The following CDH18 variants were observed in gnomAD, a reference collection of about 807,000 sequenced individuals.
CDH18 encodes the protein cadherin-18.
CDH18 carries 31 observed loss-of-function variants against 67.9 expected under a neutral mutation model. That is an observed-to-expected ratio of 0.46 (90% CI 0.34 to 0.62). The LOEUF (loss-of-function observed/expected upper bound fraction) is 0.62, where lower values mean the gene tolerates loss of function less well. Among genes scored for constraint, CDH18 ranks in the 20% least tolerant of loss-of-function variants. The pLI, the probability that CDH18 is intolerant of heterozygous loss-of-function variation, is 0.01. For synonymous variants in CDH18, 362 were observed against 347.2 expected, an observed-to-expected ratio of 1.04 and a Z score of -0.48; for missense variants, 890 against 975.5, an observed-to-expected ratio of 0.91 and a Z score of 1.17.
rs1737872923 is a variant in CDH18 at position 19,473,362 on chromosome 5, T to A, written c.2237A>T (p.Glu746Val). 2 of 1,613,822 alleles carry A rather than the reference T, an allele frequency of 1.2e-6. No homozygotes were observed. The highest frequency in any genetic ancestry group is 1.7e-6 in the Non-Finnish European group (2 of 1,179,930). The change falls in exon 13 of 13, where the codon GAA (glutamate) becomes GTA (valine). Residue 746 changes from glutamate (E) to valine (V), a missense_variant. Physicochemically the swap from Glu to Val is moderately radical, Grantham distance 121 (BLOSUM62 -2). Transcript: ENST00000382275. ...ATCCAGCGAGCTGATAGACCCAGCTTCTGATCTCTGACCCTCATAGGCATA... is the reference window on the plus strand; with the variant it reads ...ATCCAGCGAGCTGATAGACCCAGCTACTGATCTCTGACCCTCATAGGCATA... ...QTYAYEGQRS[E>V]AGSISSLDSA...
intron 2 of CDH18, among the ~76,000 whole-genome samples, chr5:20,174,634 T>C (rs568849275): frequency 3.9e-5 from 6 of 152,280 alleles, no homozygotes; most frequent in South Asian, 4.1e-4. Flanking sequence ...AGTACAACTA[T>C]ATAGATTGAT....
intron 2 of CDH18, among the ~76,000 whole-genome samples, chr5:19,931,653 G>T (rs943709461): frequency 1.3e-5 from 2 of 151,824 alleles, no homozygotes; most frequent in African/African-American, 4.8e-5. Context: ...TTGGGCAAAT[G>T]CATGAGAAGT....
At chr5:19,863,924 T>A (rs1785173304) in intron 2 of CDH18, among the ~76,000 whole-genome samples, 1 of 152,032 alleles carries the variant, frequency 6.6e-6, no homozygotes, top group African/African-American at 2.4e-5. Flanking sequence ...TTTTACACTG[T>A]TGGTGGGACT....
intron 1 of CDH18, among the ~76,000 whole-genome samples, chr5:20,344,205 T>A (rs774269977): frequency 6.6e-6 from 1 of 152,136 alleles, no homozygotes; most frequent in Non-Finnish European, 1.5e-5. Context: ...AACTTACCAA[T>A]TGGCCCAAAG....
At chr5:19,704,498 C>T (rs539687901) in intron 5 of CDH18, among the ~76,000 whole-genome samples, 10 of 152,018 alleles carry the variant, frequency 6.6e-5, no homozygotes, top group East Asian at 1.9e-4. Context: ...ACATATGATA[C>T]GTGAAGAGGG....
chr5:19,925,634 C>T (rs1477823836), intron 2 of CDH18, among the ~76,000 whole-genome samples: 2 of 151,922 alleles, frequency 1.3e-5, no homozygotes, highest in Non-Finnish European at 2.9e-5. Flanking sequence ...ATCACAGGTG[C>T]CTGCCACCAC....
chr5:19,729,512 T>C (rs1203649983), intron 4 of CDH18, among the ~76,000 whole-genome samples: 1 of 152,222 alleles, frequency 6.6e-6, no homozygotes, highest in Non-Finnish European at 1.5e-5. Flanking sequence ...TCTGCCTTTT[T>C]GTTTTGTGTG....
intron 1 of CDH18, among the ~76,000 whole-genome samples, chr5:20,328,646 C>T (rs1012997469): frequency 6.6e-6 from 1 of 152,124 alleles, no homozygotes; most frequent in Non-Finnish European, 1.5e-5. Flanking sequence ...GCCTACTCCT[C>T]ATCTTTGGCT....
At chr5:20,520,213 G>A (rs17234617) in intron 1 of CDH18, among the ~76,000 whole-genome samples, 60,348 of 151,506 alleles carry the variant, frequency 0.4, 13,439 homozygotes, top group East Asian at 0.56. Flanking sequence ...CCAAGTAGAG[G>A]TAAGGAAAGC....
intron 1 of CDH18, among the ~76,000 whole-genome samples, chr5:20,557,436 T>A (rs1426110236): frequency 6.6e-6 from 1 of 152,124 alleles, no homozygotes; most frequent in Admixed American, 6.6e-5. Context: ...TATAGATTAG[T>A]AGTAACACAT....
At chr5:19,569,352 C>T (rs1192630148) in intron 8 of CDH18, among the ~76,000 whole-genome samples, 4 of 152,126 alleles carry the variant, frequency 2.6e-5, no homozygotes, top group Non-Finnish European at 4.4e-5. Flanking sequence ...CAGCTCATTG[C>T]CTCCAGAAAG....
At chr5:19,859,387 A>C (rs1784635264) in intron 2 of CDH18, among the ~76,000 whole-genome samples, 2 of 152,170 alleles carry the variant, frequency 1.3e-5, no homozygotes, top group African/African-American at 2.4e-5. Context: ...AAGGAATCAA[A>C]GTATTTCACC....
At chr5:19,747,597 A>G (rs1770196788) in intron 3 of CDH18, among the ~76,000 whole-genome samples, 1 of 152,138 alleles carries the variant, frequency 6.6e-6, no homozygotes, top group African/African-American at 2.4e-5. Flanking sequence ...CATACTTGTG[A>G]AAATAATATA....
intron 5 of CDH18, among the ~76,000 whole-genome samples, chr5:19,651,484 C>T (rs953898636): frequency 4.6e-5 from 7 of 151,944 alleles, no homozygotes; most frequent in African/African-American, 1.7e-4. Context: ...GTCAGCATAC[C>T]CTATCAGTAT....
At chr5:20,155,932 T>G (rs904381164) in intron 2 of CDH18, among the ~76,000 whole-genome samples, 2 of 152,074 alleles carry the variant, frequency 1.3e-5, no homozygotes, top group Admixed American at 6.6e-5. Flanking sequence ...CATTGACACA[T>G]ATCTATTTTC....
intron 6 of CDH18, among the ~76,000 whole-genome samples, chr5:19,594,456 T>C (rs1348346414): frequency 1.3e-5 from 2 of 152,132 alleles, no homozygotes; most frequent in African/African-American, 4.8e-5. Context: ...CGGCCTGTTT[T>C]TAAAGAGACT....
chr5:20,160,439 T>C (rs78856200), intron 2 of CDH18, among the ~76,000 whole-genome samples: 1,998 of 152,296 alleles, frequency 0.013, 24 homozygotes, highest in Middle Eastern at 0.048. Flanking sequence ...AATTTCAACA[T>C]TTGAATTTTC....
chr5:19,561,978 T>C (rs879502911), intron 8 of CDH18, among the ~76,000 whole-genome samples: 3 of 152,162 alleles, frequency 2.0e-5, no homozygotes, highest in Non-Finnish European at 4.4e-5. Flanking sequence ...ACAAAGACTT[T>C]TGATTTTAAG....
chr5:19,616,429 A>G (rs553321730), intron 5 of CDH18, among the ~76,000 whole-genome samples: 66 of 152,282 alleles, frequency 4.3e-4, no homozygotes, highest in African/African-American at 1.6e-3. Context: ...CAAAATGATC[A>G]TATGCAATGA....
Sources: allele counts gnomAD v4.1 joint callset (sites outside exome capture counted in the v4.1 genomes callset), GRCh38; gene constraint gnomAD v4.1.1; transcripts MANE v1.5; gene names NCBI Gene and HGNC (gene_info 2026-07-23, HGNC 2026-07-21).